Variants in SEC23A observed in about 807,000 individuals in gnomAD.
SEC23A encodes protein transport protein Sec23A.
Under a neutral mutation model 103.7 loss-of-function variants are expected in SEC23A, and 56 were observed. That is an observed-to-expected ratio of 0.54 (90% CI 0.44 to 0.67). SEC23A has a LOEUF of 0.67. Ranked by LOEUF, SEC23A falls within the 30% of genes least tolerant of loss-of-function variation. The pLI, the probability that SEC23A is intolerant of heterozygous loss-of-function variation, is 0.00. For synonymous variants in SEC23A, 281 were observed against 293.0 expected, an observed-to-expected ratio of 0.96 and a Z score of 0.42; for missense variants, 784 against 936.4, an observed-to-expected ratio of 0.84 and a Z score of 2.12.
intron 4 of SEC23A, among the ~76,000 whole-genome samples, chr14:39,092,302 T>C (rs1024472048): frequency 2.0e-5 from 3 of 152,212 alleles, no homozygotes; most frequent in Admixed American, 6.5e-5. Context: ...TACTTTATTG[T>C]TTACTGATCT....
intron 17 of SEC23A, 27 bp downstream of exon 17, chr14:39,042,759 T>C (rs1195417867): frequency 1.4e-6 from 2 of 1,428,886 alleles, no homozygotes; most frequent in Non-Finnish European, 9.9e-7. Context: ...TTTACATGCA[T>C]AGCTTTAAAT....
chr14:39,042,961 A>C, intron 16 of SEC23A, 89 bp from the exon 17 acceptor site: 1 of 863,914 alleles, frequency 1.2e-6, no homozygotes, highest in Non-Finnish European at 1.9e-6. Flanking sequence ...TTATTTTCCA[A>C]GTTTCTTTTA....
chr14:39,065,771 GGTGGATCACCCAAGGTCGGGAGTTCAA>G (rs1191581703), intron 10 of SEC23A, among the ~76,000 whole-genome samples: 1 of 152,060 alleles, frequency 6.6e-6, no homozygotes, highest in Non-Finnish European at 1.5e-5. Flanking sequence ...GGCTGAGGCA[GGTGGATCACCCAAGGTCGGGAGTTCAA>G]GACCAGCCTG....
At chr14:39,039,810 T>C (rs1248376696) in intron 18 of SEC23A, 2 of 152,194 alleles carry the variant, frequency 1.3e-5, no homozygotes, top group Non-Finnish European at 2.9e-5. Context: ...CTGTGTTCCC[T>C]TGGCCATAAG....
rs1475249226 is a variant in SEC23A at position 39,033,032 on chromosome 14, T to C, written c.*207A>G. 3 of 573,826 alleles carry C rather than the reference T, an allele frequency of 5.2e-6. No homozygotes were observed. Among genetic ancestry groups the C allele is most frequent in the Non-Finnish European group, 9.5e-6 (3 of 316,888 alleles). 35.5% of individuals were successfully genotyped at this position (573,826 alleles called of 1,614,324 possible). On this transcript the variant is annotated 3_prime_UTR_variant, in exon 20 of 20. Coordinates refer to ENST00000307712, the MANE Select transcript of SEC23A (RefSeq NM_006364.4). ...TCTAGAACCAGCTATAACACTGTGGTAAGCAAAATAAATTTGTTCTTATTG... is the reference window on the plus strand; with the variant it reads ...TCTAGAACCAGCTATAACACTGTGGCAAGCAAAATAAATTTGTTCTTATTG...
chr14:39,047,510 C>CAA (rs374970367), intron 15 of SEC23A: 296 of 513,046 alleles, frequency 5.8e-4, no homozygotes, highest in South Asian at 1.2e-3. Flanking sequence ...ACAACAACAA[C>CAA]AAAAAAAAAA....
In SEC23A at chr14:39,067,299, G is replaced by T; in HGVS notation, c.1104-3C>A. On this transcript the variant is annotated splice_region_variant and splice_polypyrimidine_tract_variant and intron_variant, in intron 9 of 19. Transcript: ENST00000307712. ...AATCACCCATTACCATGTATCCTCT[G>T]CATGGAAAGAACAAAAAAACAACAT... 1.2e-6 allele frequency: 2 copies of T among 1,613,234 alleles called. No homozygotes were observed.
intron 9 of SEC23A, among the ~76,000 whole-genome samples, chr14:39,074,014 G>A (rs1420610692): frequency 6.6e-6 from 1 of 152,144 alleles, no homozygotes; most frequent in East Asian, 1.9e-4. Flanking sequence ...AACTGCTAAT[G>A]GGAACATAGT....
chr14:39,102,088 C>A lies in SEC23A; in HGVS notation c.-22+944G>T, dbSNP rs190531284. Among the ~76,000 whole-genome samples, 23 of 151,974 alleles carry A rather than the reference C, an allele frequency of 1.5e-4. No individual in the cohort carries two copies. The East Asian group carries it at 1.7e-3, about 12-fold the overall frequency. ...CTCTACTAAAGATACAAAAATTAGCCGGGCATAGTAGCTCGCCCCTGTAAT... is the reference window on the plus strand; with the variant it reads ...CTCTACTAAAGATACAAAAATTAGCAGGGCATAGTAGCTCGCCCCTGTAAT... On this transcript the variant is annotated intron_variant, in intron 1 of 19. Coordinates refer to ENST00000307712, the MANE Select transcript of SEC23A (RefSeq NM_006364.4).
At chr14:39,070,922 G>A (rs35423721) in intron 9 of SEC23A, among the ~76,000 whole-genome samples, 35,319 of 152,110 alleles carry the variant, frequency 0.23, 4,574 homozygotes, top group Middle Eastern at 0.36. Context: ...AGCTACTCAG[G>A]AGGCTGAGGC....
intron 9 of SEC23A, among the ~76,000 whole-genome samples, chr14:39,068,587 A>G (rs1226020564): frequency 6.6e-6 from 1 of 152,198 alleles, no homozygotes; most frequent in African/African-American, 2.4e-5. Flanking sequence ...GACTAGTTGA[A>G]AAAATATTAC....
intron 7 of SEC23A, among the ~76,000 whole-genome samples, chr14:39,079,928 T>A (rs117961442): frequency 0.015 from 2,318 of 152,324 alleles, 25 homozygotes; most frequent in Non-Finnish European, 0.024. Context: ...TGCATATTGT[T>A]TGAATGTTTT....
chr14:39,065,397 C>A (rs2139232878), intron 10 of SEC23A, among the ~76,000 whole-genome samples: 1 of 149,628 alleles, frequency 6.7e-6, no homozygotes, highest in South Asian at 2.1e-4. Context: ...TATCACAATA[C>A]CTTCTGTCTA....
At chr14:39,066,999 CAT>C (rs1886691216) in intron 10 of SEC23A, among the ~76,000 whole-genome samples, 172 bp downstream of exon 10, 1 of 152,198 alleles carries the variant, frequency 6.6e-6, no homozygotes, top group Non-Finnish European at 1.5e-5. Flanking sequence ...AAGTCTCACA[CAT>C]TGAATGATGA....
rs576574360 is a variant in SEC23A, at chr14:39,067,148, G to A, written c.1227+25C>T. On this transcript the variant is annotated intron_variant, in intron 10 of 19. Transcript: ENST00000307712. ...ATAAGTTGTCTTTTGATAACATATC[G>A]CACATGTCAAGTTTTGGTTCTTACC... The A allele has an allele frequency of 6.6e-5, 106 of 1,612,760 alleles. 3 individuals carry two copies. The South Asian group carries it at 8.9e-4, about 14-fold the overall frequency.
At chr14:39,048,545 A>G (rs1885929084) in intron 15 of SEC23A, 107 bp downstream of exon 15, 1 of 726,720 alleles carries the variant, frequency 1.4e-6, no homozygotes, top group Non-Finnish European at 2.4e-6. Flanking sequence ...GGTTACAGTG[A>G]GCTATGATGG....
intron 7 of SEC23A, among the ~76,000 whole-genome samples, chr14:39,083,558 A>ATTTTT (rs1887306871): frequency 2.5e-5 from 1 of 40,578 alleles, no homozygotes; most frequent in Non-Finnish European, 5.1e-5. Flanking sequence ...GGCAAAATAA[A>ATTTTT]CTTTCTTTTT....
At chr14:39,091,020 A>G in intron 5 of SEC23A, 1 of 384,480 alleles carries the variant, frequency 2.6e-6, no homozygotes, top group Admixed American at 3.5e-5. Context: ...CTGCTGCCCC[A>G]GCTGAGGAAA....
chr14:39,085,689 T>TACACACACACACACACACACACAC (rs59136053), intron 7 of SEC23A, 73 bp downstream of exon 7: 1 of 1,114,032 alleles, frequency 9.0e-7, no homozygotes, highest in African/African-American at 1.8e-5. Flanking sequence ...TAATTATATA[T>TACACACACACACACACACACACAC]ACACACACAC....
Sources: allele counts gnomAD v4.1 joint callset (sites outside exome capture counted in the v4.1 genomes callset), GRCh38; gene constraint gnomAD v4.1.1; transcripts MANE v1.5; gene names NCBI Gene and HGNC (gene_info 2026-07-23, HGNC 2026-07-21).